MEGF8: variants seen among roughly 807,000 people sequenced by gnomAD.
The protein encoded by MEGF8 is multiple epidermal growth factor-like domains protein 8.
A neutral mutation model predicts 302.9 loss-of-function variants in MEGF8; 156 were observed. That is an observed-to-expected ratio of 0.52 (90% CI 0.45 to 0.59). The LOEUF (loss-of-function observed/expected upper bound fraction) is 0.59. Among genes scored for constraint, MEGF8 ranks in the 20% least tolerant of loss-of-function variants. The probability of loss-of-function intolerance (pLI) is 0.00; values close to 1 mark genes in which losing one functional copy is unlikely to be tolerated. For synonymous variants in MEGF8, 1,621 were observed against 1,660.5 expected (o/e 0.98, Z 0.58); for missense variants, 3,345 against 3,964.5 (o/e 0.84, Z 4.20).
Position 42,349,674 on chromosome 19 carries a change from A to G in MEGF8, c.2474A>G (p.Asp825Gly). 1 of 1,612,158 alleles carries G rather than the reference A, an allele frequency of 6.2e-7. No individual in the cohort carries two copies. Among genetic ancestry groups the G allele is most frequent in the Non-Finnish European group, 8.5e-7 (1 of 1,179,796 alleles). Reference protein sequence around the residue: ...PGHSELTLLWDRTGVPGGSEI... With the variant: ...PGHSELTLLWGRTGVPGGSEI... ...CACAGCGAGCTAACTCTGCTGTGGG[A>G]TCGGACTGGTGTGCCAGGAGGCAGC... The change falls in exon 14 of 42, where the codon GAT becomes GGT. Residue 825 changes from aspartate (D) to glycine (G), a missense_variant. By Grantham distance (94) the Asp-to-Gly change is moderately conservative (BLOSUM62 -1). Coordinates refer to ENST00000251268, the MANE Select transcript of MEGF8 (RefSeq NM_001271938.2).
intron 8 of MEGF8, 136 bp from the exon 9 acceptor site, chr19:42,343,341 G>A: frequency 3.3e-6 from 3 of 897,982 alleles, no homozygotes; most frequent in Non-Finnish European, 4.8e-6. Context: ...TGGGCTGGGA[G>A]AGTGTCCTTG....
chr19:42,354,736 GA>G lies in MEGF8; in HGVS notation c.4144+18del. On this transcript the variant is annotated intron_variant, in intron 23 of 41. Coordinates refer to ENST00000251268, the MANE Select transcript of MEGF8 (RefSeq NM_001271938.2). This position sits in a 1 kb window ranked among gnomAD's most constrained non-coding sequence, Gnocchi z 4.3. ...GCCCTGTCTGGTACGGGGGCTAGGG[GA>G]AGTGGGACCTCTTAGTCCTGGGCTA... is the stretch of plus-strand genomic sequence containing the variant. 1 of 1,590,494 alleles carries G rather than the reference GA, an allele frequency of 6.3e-7. No individual in the cohort carries two copies. Among genetic ancestry groups the G allele is most frequent in the Non-Finnish European group, 8.5e-7 (1 of 1,169,898 alleles).
intron 1 of MEGF8, among the ~76,000 whole-genome samples, chr19:42,329,680 G>T (rs2039030362): frequency 6.6e-6 from 1 of 152,222 alleles, no homozygotes; most frequent in African/African-American, 2.4e-5. Flanking sequence ...TGAACAACAT[G>T]GTAAGACACT....
In MEGF8 at chr19:42,354,503, C is replaced by A. The variant is rs1178153592; in HGVS notation, c.4012-85C>A. ...CATTTCCCAGTCTCAGATTGCCCTC[C>A]CCTCTTGAACCCCTCCTCCTCCCAG... On this transcript the variant is annotated intron_variant, in intron 22 of 41. Coordinates refer to ENST00000251268, the MANE Select transcript of MEGF8 (RefSeq NM_001271938.2). This position sits in a 1 kb window ranked among gnomAD's most constrained non-coding sequence, Gnocchi z 4.3. The A allele has an allele frequency of 6.8e-7, 1 of 1,467,880 alleles. No homozygotes were observed. The highest frequency in any genetic ancestry group is 9.2e-7 in the Non-Finnish European group (1 of 1,081,464). The allele number at this position is 1,467,880 out of a possible 1,614,324, so 90.9% of individuals were successfully genotyped here.
In MEGF8 at chr19:42,375,829, C is replaced by T. The variant is rs773102301; in HGVS notation, c.7592C>T (p.Ala2531Val). The T allele has an allele frequency of 3.4e-5, 54 of 1,611,528 alleles. No homozygotes were observed. Among genetic ancestry groups the T allele is most frequent in the Non-Finnish European group, 4.4e-5 (52 of 1,179,508 alleles). Reference sequence around the variant, plus strand: ...ACTGTACACATCCAGCCACCCCCAGCCCCACCACCTCCACCACCCCCTGCA... The same window carrying T: ...ACTGTACACATCCAGCCACCCCCAGTCCCACCACCTCCACCACCCCCTGCA... ...VHTVHIQPPP[A>V]PPPPPPPADG... Residue 2531 changes from alanine to valine, a missense_variant, in exon 42 of 42, where the codon GCC (alanine) becomes GTC (valine). Coordinates refer to ENST00000251268, the MANE Select transcript of MEGF8 (RefSeq NM_001271938.2). This position sits in a 1 kb window ranked among gnomAD's most constrained non-coding sequence, Gnocchi z 7.1.
In MEGF8 at chr19:42,357,497, G is replaced by A; in HGVS notation, c.4924G>A (p.Glu1642Lys). The change falls in exon 28 of 42, where the codon GAA becomes AAA. Residue 1642 changes from glutamate (E) to lysine (K), a missense_variant. Transcript: ENST00000251268. This position sits in a 1 kb window ranked among gnomAD's most constrained non-coding sequence, Gnocchi z 5.2. ...GCTCCTGGTGGGCGGTTACTCCCCG[G>A]AAAATGGCTTCAACCAGCAGCTGCT... is the stretch of plus-strand genomic sequence containing the variant. ...SLLLVGGYSP[E>K]NGFNQQLLEY... 6.2e-7 allele frequency: 1 copy of A among 1,613,642 alleles called. No homozygotes were observed. Among genetic ancestry groups the A allele is most frequent in the East Asian group, 2.2e-5 (1 of 44,880 alleles).
rs2039465957 is a variant in MEGF8, at chr19:42,357,284, G to T, written c.4831-120G>T. 11 of 1,270,184 alleles carry T rather than the reference G, an allele frequency of 8.7e-6. No individual in the cohort carries two copies. The highest frequency in any genetic ancestry group is 4.2e-5 in the Admixed American group (2 of 47,142). The allele number at this position is 1,270,184 out of a possible 1,614,324, so 78.7% of individuals were successfully genotyped here. A position where few individuals can be genotyped will look rare whatever the true frequency, so the allele number is the denominator to read the frequency against. The stretch of plus-strand genomic sequence containing the variant: ...ACCCAGGCTGGTCCGACTGGCCCTG[G>T]GGGGGTCATTCCCTCCTTAGTACTT... On this transcript the variant is annotated intron_variant, in intron 27 of 41. Transcript: ENST00000251268. This position sits in a 1 kb window ranked among gnomAD's most constrained non-coding sequence, Gnocchi z 5.2.
chr19:42,336,790 T>G lies in MEGF8; in HGVS notation c.1245-17T>G. 1 of 1,567,810 alleles carries G rather than the reference T, an allele frequency of 6.4e-7. No individual in the cohort carries two copies. Among genetic ancestry groups the G allele is most frequent in the Non-Finnish European group, 8.6e-7 (1 of 1,157,812 alleles). On this transcript the variant is annotated splice_polypyrimidine_tract_variant and intron_variant, in intron 6 of 41. Coordinates refer to ENST00000251268, the MANE Select transcript of MEGF8 (RefSeq NM_001271938.2). This position sits in a 1 kb window ranked among gnomAD's most constrained non-coding sequence, Gnocchi z 4.8. ...CGCTTCCTGCCCTGAGCCCCTGCCC[T>G]GCTTCTCCTTCGGTAGGTTCTCTGT...
At position 42,368,473 on chromosome 19, in the gene MEGF8, C is replaced by T. The variant is rs1346296338; in HGVS notation, c.6292C>T (p.Leu2098=). ...CATACAGTGTCTGAGCCCTTCCTAC[C>T]TGCCCCTGCGATGTATGGCCGGAGG... is the stretch of plus-strand genomic sequence containing the variant. ...SLQQCLSPSY[L]PLRCMAGGCG... The change falls in exon 36 of 42, where the codon CTG becomes TTG. Residue 2098 remains leucine, a synonymous_variant. Coordinates refer to ENST00000251268, the MANE Select transcript of MEGF8 (RefSeq NM_001271938.2). This position sits in a 1 kb window ranked among gnomAD's most constrained non-coding sequence, Gnocchi z 4.9. 5.0e-6 allele frequency: 8 copies of T among 1,609,128 alleles called. No homozygotes were observed. In the African/African-American group the frequency reaches 8.0e-5, roughly 16 times the overall value.
At position 42,336,544 on chromosome 19, in the gene MEGF8, A is replaced by G. The variant is rs748991442; in HGVS notation, c.1244+198A>G. Reference sequence around the variant, plus strand: ...CACACATTCTCTGATGTTTTATTCAATCTCTTGGTGAATTGCCTTCCACAC... The same window carrying G: ...CACACATTCTCTGATGTTTTATTCAGTCTCTTGGTGAATTGCCTTCCACAC... On this transcript the variant is annotated intron_variant, in intron 6 of 41. Coordinates refer to ENST00000251268, the MANE Select transcript of MEGF8 (RefSeq NM_001271938.2). This position sits in a 1 kb window ranked among gnomAD's most constrained non-coding sequence, Gnocchi z 4.8. Among the ~76,000 whole-genome samples the G allele has an allele frequency of 1.1e-4, 16 of 151,788 alleles. No homozygotes were observed. Among genetic ancestry groups the G allele is most frequent in the Non-Finnish European group, 2.1e-4 (14 of 67,946 alleles).
chr19:42,368,726 C>T lies in MEGF8; in HGVS notation c.6481+64C>T. 6.5e-7 allele frequency: 1 copy of T among 1,544,038 alleles called. No homozygotes were observed. The highest frequency in any genetic ancestry group is 1.2e-5 in the South Asian group (1 of 80,616). The stretch of plus-strand genomic sequence containing the variant: ...CTTGGTTGGGGTCTGATACAGTGAA[C>T]ATAGGGATACTGGGCCAGACCCAGA... On this transcript the variant is annotated intron_variant, in intron 36 of 41. Coordinates refer to ENST00000251268, the MANE Select transcript of MEGF8 (RefSeq NM_001271938.2). The surrounding 1 kb of genome is among the most constrained non-coding windows in gnomAD (Gnocchi z 4.9).
Position 42,336,405 on chromosome 19 carries a change from G to A in MEGF8, c.1244+59G>A. ...GGCCAGGCCCAGCTCAACACCATAG[G>A]CCTTTAGTCTTTAGAGGTCTTTGCC... On this transcript the variant is annotated intron_variant, in intron 6 of 41. Coordinates refer to ENST00000251268, the MANE Select transcript of MEGF8 (RefSeq NM_001271938.2). The surrounding 1 kb of genome is among the most constrained non-coding windows in gnomAD (Gnocchi z 4.8). 5 of 1,480,874 alleles carry A rather than the reference G, an allele frequency of 3.4e-6. No individual in the cohort carries two copies. The highest frequency in any genetic ancestry group is 4.5e-6 in the Non-Finnish European group (5 of 1,113,886). The allele number at this position is 1,480,874 out of a possible 1,614,324, so 91.7% of individuals were successfully genotyped here.
chr19:42,340,326 TTCA>T, intron 8 of MEGF8, among the ~76,000 whole-genome samples: 1 of 152,022 alleles, frequency 6.6e-6, no homozygotes, highest in Admixed American at 6.6e-5. Context: ...GCCTCCGAGG[TTCA>T]AGCAATTCTC....
rs2039416438 is a variant in MEGF8, at chr19:42,354,052, G to T, written c.4011+28G>T. 1 of 1,575,808 alleles carries T rather than the reference G, an allele frequency of 6.3e-7. No individual in the cohort carries two copies. On this transcript the variant is annotated intron_variant, in intron 22 of 41. Transcript: ENST00000251268. This position sits in a 1 kb window ranked among gnomAD's most constrained non-coding sequence, Gnocchi z 4.3. ...GAGCACTGAGGAAACGAGGGTTCAG[G>T]CGCATGAGCCAGAACCGTGTCCCCT...
chr19:42,366,375 AT>A (rs1484546304), intron 35 of MEGF8, among the ~76,000 whole-genome samples: 1 of 151,880 alleles, frequency 6.6e-6, no homozygotes, highest in Non-Finnish European at 1.5e-5. Context: ...TAATTTTTGT[AT>A]TTTTAGTAGA....
chr19:42,332,606 T>G (rs1363627020), intron 1 of MEGF8, among the ~76,000 whole-genome samples: 1 of 152,192 alleles, frequency 6.6e-6, no homozygotes, highest in Non-Finnish European at 1.5e-5. Context: ...GTCCTCGTGA[T>G]CCGCCTGCCT....
At position 42,344,085 on chromosome 19, in the gene MEGF8, C is replaced by T; in HGVS notation, c.1788+12C>T. The T allele has an allele frequency of 6.2e-7, 1 of 1,612,224 alleles. No individual in the cohort carries two copies. Among genetic ancestry groups the T allele is most frequent in the East Asian group, 2.2e-5 (1 of 44,868 alleles). On this transcript the variant is annotated intron_variant, in intron 10 of 41. Transcript: ENST00000251268. This position sits in a 1 kb window ranked among gnomAD's most constrained non-coding sequence, Gnocchi z 4.5. ...CCCCCTTGGGGGCTGTGAGTGACAG[C>T]CCTAGACCCTCTGTTCCCTAGCATA... is the stretch of plus-strand genomic sequence containing the variant.
In MEGF8 at chr19:42,351,256, G is replaced by C. The variant is rs1429104342; in HGVS notation, c.2777G>C (p.Gly926Ala). Residue 926 changes from glycine (G) to alanine (A), a missense_variant, in exon 16 of 42, where the codon GGG (glycine) becomes GCG (alanine). Gly to Ala is a moderately conservative substitution (Grantham distance 60). Coordinates refer to ENST00000251268, the MANE Select transcript of MEGF8 (RefSeq NM_001271938.2). This position sits in a 1 kb window ranked among gnomAD's most constrained non-coding sequence, Gnocchi z 5.6. ...TGGCATCAGAGCACCAGCCGCAAAG[G>C]GGACGCGGCATGCAGCCGGCGGGGC... ...CEWHQSTSRK[G>A]DAACSRRGRG... 1 of 1,572,102 alleles carries C rather than the reference G, an allele frequency of 6.4e-7. No homozygotes were observed.
intron 32 of MEGF8, 65 bp downstream of exon 32, chr19:42,361,071 C>A: frequency 6.8e-7 from 1 of 1,467,960 alleles, no homozygotes; most frequent in Non-Finnish European, 9.1e-7. Flanking sequence ...CTGTGCTAGG[C>A]CACACCAGGA....
Sources: gnomAD v4.1 joint callset for allele counts (sites outside exome capture counted in the v4.1 genomes callset) on GRCh38, gnomAD v4.1.1 for gene constraint, Gnocchi (gnomAD v3.1) non-coding constraint, MANE v1.5 for transcripts, NCBI Gene and HGNC (gene_info 2026-07-23, HGNC 2026-07-21) for gene names.